The following SCP2 variants were observed in gnomAD, a reference collection of about 807,000 sequenced individuals.
The protein encoded by SCP2 is SCP-2/3-oxoacyl-CoA thiolase.
In SCP2, 48 loss-of-function variants were observed where a neutral mutation model predicts 71.4. The ratio of observed to expected loss-of-function variants is 0.67; its 90% confidence interval spans 0.53 to 0.86. The LOEUF (loss-of-function observed/expected upper bound fraction) is 0.86. Ranked by LOEUF, SCP2 falls within the 40% of genes least tolerant of loss-of-function variation. The probability of loss-of-function intolerance (pLI) is 0.00; values close to 1 mark genes in which losing one functional copy is unlikely to be tolerated. For missense variants in SCP2, 560 were observed against 655.6 expected (o/e 0.85, Z 1.59); for synonymous variants, 220 against 218.1 (o/e 1.01, Z -0.08).
intron 1 of SCP2, among the ~76,000 whole-genome samples, chr1:52,935,255 A>G (rs1338575829): frequency 6.7e-6 from 1 of 149,454 alleles, no homozygotes; most frequent in Admixed American, 6.7e-5. Context: ...AACAAGAGCA[A>G]AACTCCGTTT....
chr1:52,961,589 G>C lies in SCP2; in HGVS notation c.483G>C (p.Gln161His), dbSNP rs1656454468. The change falls in exon 6 of 16, where the codon CAG (glutamine) becomes CAC (histidine). Residue 161 changes from glutamine to histidine, a missense_variant. By Grantham distance (24) the Gln-to-His change is conservative. Coordinates refer to ENST00000371514, the MANE Select transcript of SCP2 (RefSeq NM_002979.5). ...YGLSAHPVAP[Q>H]MFGYAGKEHM... is the part of the protein sequence containing the mutation. Reference sequence around the variant, plus strand: ...TGTCTGCTCACCCAGTTGCTCCTCAGATGTTTGGGTATGCTGGAAAAGAAC... The same window carrying C: ...TGTCTGCTCACCCAGTTGCTCCTCACATGTTTGGGTATGCTGGAAAAGAAC... The C allele has an allele frequency of 3.1e-6, 5 of 1,613,792 alleles. No homozygotes were observed. In the Admixed American group the frequency reaches 8.3e-5, roughly 27 times the overall value.
intron 15 of SCP2, chr1:53,049,854 G>A (rs982229118): frequency 2.0e-5 from 3 of 152,094 alleles, no homozygotes; most frequent in African/African-American, 4.8e-5. Context: ...GCTTCTTAAT[G>A]TACTGTTAAA....
intron 11 of SCP2, chr1:52,993,567 A>C (rs905431326): frequency 6.2e-6 from 10 of 1,611,930 alleles, no homozygotes; most frequent in Non-Finnish European, 8.5e-6. Flanking sequence ...GTCCTCATAT[A>C]CTGTTCTCTC....
rs938604219 is a variant in SCP2 at position 52,927,449 on chromosome 1, G to A, written c.53G>A (p.Gly18Glu). 2 of 1,601,640 alleles carry A rather than the reference G, an allele frequency of 1.2e-6. No individual in the cohort carries two copies. Among genetic ancestry groups the A allele is most frequent in the Non-Finnish European group, 1.7e-6 (2 of 1,174,902 alleles). Residue 18 changes from glycine (G) to glutamate (E), a missense_variant, in exon 1 of 16, where the codon GGG becomes GAG. Gly to Glu is a moderately conservative substitution (Grantham distance 98). This residue lies in a region of SCP2 where 513 missense variants were observed against 573.1 expected (regional missense o/e 0.90). Coordinates refer to ENST00000371514, the MANE Select transcript of SCP2 (RefSeq NM_002979.5). ...PATLRRVFVV[G>E]VGMTKFVKPG... ...ACCCTGCGCCGGGTGTTCGTGGTGGGGGTTGGCATGACCAAGGTAAACCGA... is the reference window on the plus strand; with the variant it reads ...ACCCTGCGCCGGGTGTTCGTGGTGGAGGTTGGCATGACCAAGGTAAACCGA...
chr1:52,987,994 A>T, intron 10 of SCP2, 35 bp from the exon 11 acceptor site: 1 of 1,033,064 alleles, frequency 9.7e-7, no homozygotes, highest in Non-Finnish European at 1.5e-6. Context: ...TATTGTTACT[A>T]TTAATATTTG....
At position 52,984,536 on chromosome 1, in the gene SCP2, CT is replaced by C. The variant is rs748861852; in HGVS notation, c.974-3479del. On this transcript the variant is annotated intron_variant, in intron 10 of 15. Coordinates refer to ENST00000371514, the MANE Select transcript of SCP2 (RefSeq NM_002979.5). ...GATACAGATATAAAATGATTACTTT[CT>C]TTTTTTTTTTTTTCTTTGAGATGGA... Among the ~76,000 whole-genome samples, 491 of 143,684 alleles carry C rather than the reference CT, an allele frequency of 3.4e-3. 1 individual carries two copies. The highest frequency in any genetic ancestry group is 4.1e-3 in the Non-Finnish European group (264 of 65,076). 94.3% of individuals were successfully genotyped at this position (143,684 alleles called of 152,430 possible).
chr1:53,048,758 T>G (rs1664003809), intron 15 of SCP2: 1 of 152,520 alleles, frequency 6.6e-6, no homozygotes, highest in African/African-American at 2.4e-5. Context: ...CCCCAAATTG[T>G]CAAGGGTCCT....
chr1:52,947,127 A>G (rs12070486), intron 2 of SCP2, among the ~76,000 whole-genome samples: 6,236 of 147,782 alleles, frequency 0.042, 381 homozygotes, highest in African/African-American at 0.13. Flanking sequence ...CATGTCTCTT[A>G]TCCCCTCACT....
chr1:53,000,102 C>T lies in SCP2; in HGVS notation c.1081+11966C>T, dbSNP rs535208787. On this transcript the variant is annotated intron_variant, in intron 11 of 15. Transcript: ENST00000371514. ...GATTACAGGCGTGAGCTGTCACACC[C>T]GGCCTGGTCACTTGTTTTAAATGAA... Among the ~76,000 whole-genome samples, 16 of 151,942 alleles carry T rather than the reference C, an allele frequency of 1.1e-4. No individual in the cohort carries two copies. The South Asian group carries it at 1.5e-3, about 14-fold the overall frequency.
At chr1:52,999,513 C>T (rs1282845237) in intron 11 of SCP2, among the ~76,000 whole-genome samples, 1 of 152,066 alleles carries the variant, frequency 6.6e-6, no homozygotes, top group African/African-American at 2.4e-5. Context: ...CTTCATGATA[C>T]TGGTTTCTGA....
chr1:53,046,828 T>C (rs1663853720), intron 14 of SCP2, among the ~76,000 whole-genome samples: 1 of 152,234 alleles, frequency 6.6e-6, no homozygotes, highest in Admixed American at 6.5e-5. Context: ...ACAGAAAGTT[T>C]GTTAACCCTT....
chr1:53,015,000 G>A lies in SCP2; in HGVS notation c.1192G>A (p.Val398Met). 2 of 1,614,194 alleles carry A rather than the reference G, an allele frequency of 1.2e-6. No individual in the cohort carries two copies. The highest frequency in any genetic ancestry group is 2.2e-5 in the East Asian group (1 of 44,888). Residue 398 changes from valine to methionine, a missense_variant, in exon 12 of 16, where the codon GTG becomes ATG. Physicochemically the swap from Val to Met is conservative, Grantham distance 21. Transcript: ENST00000371514. ...GCATAATTTAGGCATTGGAGGAGCT[G>A]TGGTTGTAACACTCTACAAGATGGG... ...LQHNLGIGGA[V>M]VVTLYKMGFP...
At chr1:52,970,674 C>T (rs1288212818) in intron 6 of SCP2, among the ~76,000 whole-genome samples, 1 of 151,840 alleles carries the variant, frequency 6.6e-6, no homozygotes, top group Admixed American at 6.6e-5. Flanking sequence ...GGGAGGAGGT[C>T]TTTCTTTTCT....
intron 3 of SCP2, 65 bp downstream of exon 3, chr1:52,948,145 T>C: frequency 1.0e-6 from 1 of 957,160 alleles, no homozygotes; most frequent in South Asian, 1.3e-5. Flanking sequence ...ATACAAACAA[T>C]GCGGAGGCAT....
At chr1:52,997,693 C>T (rs534310232) in intron 11 of SCP2, among the ~76,000 whole-genome samples, 1 of 152,184 alleles carries the variant, frequency 6.6e-6, no homozygotes, top group South Asian at 2.1e-4. Context: ...ATGAAAATGT[C>T]CTAAAATTGA....
Position 53,012,337 on chromosome 1 carries a change from G to A in SCP2, c.1082-2553G>A, listed in dbSNP as rs186870290. 1.8e-4 allele frequency among the ~76,000 whole-genome samples: 27 copies of A among 152,250 alleles called. No homozygotes were observed. In the South Asian group the frequency reaches 1.9e-3, roughly 11 times the overall value. Reference sequence around the variant, plus strand: ...TTTTTGTCCAATCATATTTCTATAGGGCTGTTCCATACTTTGTTGAACTTA... The same window carrying A: ...TTTTTGTCCAATCATATTTCTATAGAGCTGTTCCATACTTTGTTGAACTTA... On this transcript the variant is annotated intron_variant, in intron 11 of 15. Transcript: ENST00000371514.
intron 1 of SCP2, chr1:52,928,842 C>G (rs767229982): frequency 1.3e-5 from 2 of 154,406 alleles, no homozygotes; most frequent in Non-Finnish European, 2.9e-5. Context: ...AGGACATCAT[C>G]CTAGTGTTTC....
At chr1:52,995,410 A>T (rs1659863092) in intron 11 of SCP2, 1 of 457,088 alleles carries the variant, frequency 2.2e-6, no homozygotes, top group Non-Finnish European at 4.4e-6. Flanking sequence ...CTCAGCCACC[A>T]CAAGCAGTGT....
At chr1:52,956,198 G>C (rs1257921200) in intron 5 of SCP2, among the ~76,000 whole-genome samples, 1 of 152,146 alleles carries the variant, frequency 6.6e-6, no homozygotes, top group Non-Finnish European at 1.5e-5. Context: ...CAGCTACTCG[G>C]GAGGCTGAGG....
Sources: allele counts gnomAD v4.1 joint callset (sites outside exome capture counted in the v4.1 genomes callset), GRCh38; gene constraint gnomAD v4.1.1; regional missense constraint gnomAD v4.1.1; transcripts MANE v1.5; gene names NCBI Gene and HGNC (gene_info 2026-07-23, HGNC 2026-07-21).